Variants in TAFA1 observed in about 807,000 individuals in gnomAD.
TAFA1 encodes chemokine-like protein TAFA-1.
TAFA1 carries 4 observed loss-of-function variants against 18.5 expected under a neutral mutation model. That is an observed-to-expected ratio of 0.22 (90% CI 0.11 to 0.49). The LOEUF (loss-of-function observed/expected upper bound fraction) is 0.49. Ranked by LOEUF, TAFA1 falls within the 20% of genes least tolerant of loss-of-function variation. The pLI is 0.98. For missense variants in TAFA1, 147 were observed against 169.0 expected (o/e 0.87, Z 0.72); for synonymous variants, 56 against 55.2 (o/e 1.01, Z -0.06).
At chr3:68,315,334 A>C (rs1423381815) in intron 2 of TAFA1, among the ~76,000 whole-genome samples, 2 of 152,142 alleles carry the variant, frequency 1.3e-5, no homozygotes, top group Non-Finnish European at 2.9e-5. Context: ...GTTGGTGTGG[A>C]AGGACATCAT....
At chr3:68,039,383 T>A (rs1705117274) in intron 2 of TAFA1, among the ~76,000 whole-genome samples, 1 of 152,186 alleles carries the variant, frequency 6.6e-6, no homozygotes. Flanking sequence ...CAAGTACTCT[T>A]TAACAATCAA....
At chr3:68,137,997 G>C (rs2065627800) in intron 2 of TAFA1, among the ~76,000 whole-genome samples, 2 of 146,540 alleles carry the variant, frequency 1.4e-5, no homozygotes, top group South Asian at 2.1e-4. Flanking sequence ...AAAAAAAAAA[G>C]TGGATTCAAT....
At chr3:68,033,168 G>A (rs1037648208) in intron 2 of TAFA1, among the ~76,000 whole-genome samples, 10 of 152,072 alleles carry the variant, frequency 6.6e-5, no homozygotes, top group Non-Finnish European at 1.0e-4. Context: ...AATTTTCCAC[G>A]TTTTTCCATT....
At chr3:68,238,018 C>T (rs1260545996) in intron 2 of TAFA1, among the ~76,000 whole-genome samples, 1 of 151,186 alleles carries the variant, frequency 6.6e-6, no homozygotes, top group Non-Finnish European at 1.5e-5. Flanking sequence ...TCCATGAAGG[C>T]GAAGGCCAGG....
intron 2 of TAFA1, among the ~76,000 whole-genome samples, chr3:68,223,678 C>A (rs550253881): frequency 6.6e-6 from 1 of 151,996 alleles, no homozygotes; most frequent in Non-Finnish European, 1.5e-5. Flanking sequence ...GGGATTATTC[C>A]CCATGTTCAC....
chr3:68,010,222 C>T (rs759858122), intron 2 of TAFA1, among the ~76,000 whole-genome samples: 2 of 152,186 alleles, frequency 1.3e-5, no homozygotes, highest in Non-Finnish European at 2.9e-5. Flanking sequence ...CCCCCAATCC[C>T]CTCCCTCTGT....
At chr3:68,388,560 G>A (rs966404947) in intron 2 of TAFA1, among the ~76,000 whole-genome samples, 7 of 136,666 alleles carry the variant, frequency 5.1e-5, no homozygotes, top group Non-Finnish European at 4.5e-5. Flanking sequence ...CACCTATGAC[G>A]TTTTTTTTAT....
rs1038360267 is a variant in TAFA1 at position 68,047,628 on chromosome 3, G to A, written c.118+40884G>A. Among the ~76,000 whole-genome samples the A allele has an allele frequency of 1.3e-4, 20 of 152,190 alleles. No homozygotes were observed. In the South Asian group the frequency reaches 2.9e-3, roughly 22 times the overall value. On this transcript the variant is annotated intron_variant, in intron 2 of 4. Coordinates refer to ENST00000478136, the MANE Select transcript of TAFA1 (RefSeq NM_213609.4). ...ATTGGTTACACTATTTGGCTATAAG[G>A]AATAGAGACTCAAGTTATTGTAAGT... is the stretch of plus-strand genomic sequence containing the variant.
intron 2 of TAFA1, among the ~76,000 whole-genome samples, chr3:68,377,995 G>A (rs2069852012): frequency 6.6e-6 from 1 of 152,176 alleles, no homozygotes; most frequent in Admixed American, 6.5e-5. Flanking sequence ...CAGGTTATAT[G>A]AAAACGCCTG....
At chr3:68,533,640 A>G (rs1345252903) in intron 3 of TAFA1, among the ~76,000 whole-genome samples, 1 of 152,212 alleles carries the variant, frequency 6.6e-6, no homozygotes, top group Non-Finnish European at 1.5e-5. Flanking sequence ...GAGCAGAGGA[A>G]GAAGTCTAAT....
intron 2 of TAFA1, among the ~76,000 whole-genome samples, chr3:68,398,730 C>G (rs1351237775): frequency 6.6e-6 from 1 of 152,126 alleles, no homozygotes; most frequent in Non-Finnish European, 1.5e-5. Flanking sequence ...GTAAATGTTT[C>G]TTCAGGGAAC....
At chr3:68,163,820 G>C (rs934702342) in intron 2 of TAFA1, among the ~76,000 whole-genome samples, 10 of 152,126 alleles carry the variant, frequency 6.6e-5, no homozygotes, top group African/African-American at 2.4e-4. Flanking sequence ...TAGAAGGATG[G>C]GAAGGAGCAT....
chr3:68,100,461 G>C (rs1385875026), intron 2 of TAFA1, among the ~76,000 whole-genome samples: 1 of 152,108 alleles, frequency 6.6e-6, no homozygotes, highest in Non-Finnish European at 1.5e-5. Context: ...GCAACAGAGG[G>C]TGTTGGTTTA....
At chr3:68,530,586 CAGATA>C (rs2073174889) in intron 3 of TAFA1, among the ~76,000 whole-genome samples, 1 of 152,112 alleles carries the variant, frequency 6.6e-6, no homozygotes, top group South Asian at 2.1e-4. Flanking sequence ...ATAATCACTT[CAGATA>C]AGAGAAGCTG....
intron 2 of TAFA1, among the ~76,000 whole-genome samples, chr3:68,084,149 G>A (rs2064941977): frequency 6.6e-6 from 1 of 152,142 alleles, no homozygotes; most frequent in Non-Finnish European, 1.5e-5. Flanking sequence ...GGCGGTCTAG[G>A]GCCATCCCTA....
At chr3:68,004,880 A>G (rs1315820880) in intron 1 of TAFA1, among the ~76,000 whole-genome samples, 178 bp downstream of exon 1, 1 of 152,196 alleles carries the variant, frequency 6.6e-6, no homozygotes, top group Non-Finnish European at 1.5e-5. Flanking sequence ...CTTGGAAGTA[A>G]TGCTGAGAAT....
At chr3:68,360,886 T>G (rs2069455554) in intron 2 of TAFA1, among the ~76,000 whole-genome samples, 1 of 152,032 alleles carries the variant, frequency 6.6e-6, no homozygotes, top group South Asian at 2.1e-4. Context: ...TCATTGAATA[T>G]TAAGCTGGCG....
At chr3:68,085,272 G>A (rs2064957134) in intron 2 of TAFA1, among the ~76,000 whole-genome samples, 1 of 152,192 alleles carries the variant, frequency 6.6e-6, no homozygotes, top group Non-Finnish European at 1.5e-5. Context: ...TTCAATTAAA[G>A]AAAGCTAACA....
chr3:68,164,399 C>G (rs1222451603), intron 2 of TAFA1, among the ~76,000 whole-genome samples: 1 of 152,214 alleles, frequency 6.6e-6, no homozygotes, highest in African/African-American at 2.4e-5. Flanking sequence ...AATACTGACA[C>G]TTCATAGTGG....
Sources: gnomAD v4.1 joint callset for allele counts (sites outside exome capture counted in the v4.1 genomes callset) on GRCh38, gnomAD v4.1.1 for gene constraint, MANE v1.5 for transcripts, NCBI Gene and HGNC (gene_info 2026-07-23, HGNC 2026-07-21) for gene names.